RALGAPA2: variants seen among roughly 807,000 people sequenced by gnomAD.
The protein encoded by RALGAPA2 is ral GTPase-activating protein subunit alpha-2.
A neutral mutation model predicts 230.4 loss-of-function variants in RALGAPA2; 139 were observed. The ratio of observed to expected loss-of-function variants is 0.60; its 90% CI spans 0.53 to 0.69. The LOEUF (loss-of-function observed/expected upper bound fraction) is 0.69, where lower values mean the gene tolerates loss of function less well. Ranked by LOEUF, RALGAPA2 falls within the 30% of genes least tolerant of loss-of-function variation. The probability of loss-of-function intolerance (pLI) is 0.00; values close to 1 mark genes in which losing one functional copy is unlikely to be tolerated. For synonymous variants in RALGAPA2, 847 were observed against 837.8 expected (o/e 1.01, Z -0.19); for missense variants, 2,163 against 2,276.0 (o/e 0.95, Z 1.01).
intron 37 of RALGAPA2, among the ~76,000 whole-genome samples, chr20:20,417,479 G>T (rs893335236): frequency 6.6e-6 from 1 of 152,100 alleles, no homozygotes; most frequent in African/African-American, 2.4e-5. Context: ...CCTATTCTAT[G>T]TGTCTCTCAT....
At position 20,712,588 on chromosome 20, in the gene RALGAPA2, CCCCAGCCCCGCTGCT is replaced by C; in HGVS notation, c.-123_-109del. On this transcript the variant is annotated 5_prime_UTR_variant, in exon 1 of 40. Transcript: ENST00000202677. This position sits in a 1 kb window ranked among gnomAD's most constrained non-coding sequence, Gnocchi z 5.5. ...GCGTGTCGCGCGGGCCACTCGCCGC[CCCCAGCCCCGCTGCT>C]GCCGCCGCCGCCGCCGCCGCCGCCG... The C allele has an allele frequency of 4.8e-6, 6 of 1,237,318 alleles. No individual in the cohort carries two copies. The highest frequency in any genetic ancestry group is 5.1e-6 in the Non-Finnish European group (5 of 986,140). 76.6% of individuals were successfully genotyped at this position (1,237,318 alleles called of 1,614,324 possible).
chr20:20,481,538 A>G (rs1297938801), intron 36 of RALGAPA2, among the ~76,000 whole-genome samples: 1 of 152,266 alleles, frequency 6.6e-6, no homozygotes, highest in Non-Finnish European at 1.5e-5. Context: ...CATAACAATG[A>G]TATGGCTGTG....
intron 24 of RALGAPA2, among the ~76,000 whole-genome samples, chr20:20,537,154 T>G (rs2063518630): frequency 1.3e-5 from 2 of 152,004 alleles, no homozygotes; most frequent in Non-Finnish European, 2.9e-5. Flanking sequence ...TTAAGGAAAA[T>G]TCATAGGGAA....
In RALGAPA2 at chr20:20,712,034, T is replaced by C. The variant is rs1293025816; in HGVS notation, c.106+341A>G. The stretch of plus-strand genomic sequence containing the variant: ...ATGAAAGGGGGAGGTGACAGTTCAA[T>C]GTGTGCACGTGATGACCACTTGGGA... On this transcript the variant is annotated intron_variant, in intron 1 of 39. Coordinates refer to ENST00000202677, the MANE Select transcript of RALGAPA2 (RefSeq NM_020343.4). The surrounding 1 kb of genome is among the most constrained non-coding windows in gnomAD (Gnocchi z 5.5). 6.6e-6 allele frequency among the ~76,000 whole-genome samples: 1 copy of C among 152,074 alleles called. No homozygotes were observed. Among genetic ancestry groups the C allele is most frequent in the Non-Finnish European group, 1.5e-5 (1 of 68,000 alleles).
chr20:20,399,191 C>T (rs1405263735), intron 38 of RALGAPA2, among the ~76,000 whole-genome samples: 1 of 151,654 alleles, frequency 6.6e-6, no homozygotes, highest in African/African-American at 2.4e-5. Flanking sequence ...CTAAAAATAC[C>T]AAAAAATCAG....
At chr20:20,496,476 T>C (rs543479226) in intron 35 of RALGAPA2, among the ~76,000 whole-genome samples, 1 of 152,320 alleles carries the variant, frequency 6.6e-6, no homozygotes, top group Admixed American at 6.5e-5. Context: ...CCCTCTGACA[T>C]CTTCTGGGAA....
At position 20,611,929 on chromosome 20, in the gene RALGAPA2, A is replaced by G. The variant is rs143480208; in HGVS notation, c.1689-503T>C. On this transcript the variant is annotated intron_variant, in intron 13 of 39. Coordinates refer to ENST00000202677, the MANE Select transcript of RALGAPA2 (RefSeq NM_020343.4). ...GGAATGCCACAGTACTCTCACAGGC[A>G]GGAGGGGTTTGCATTACAGGACACT... Among the ~76,000 whole-genome samples, 534 of 152,306 alleles carry G rather than the reference A, an allele frequency of 3.5e-3. 5 individuals are homozygous for G. The highest frequency in any genetic ancestry group is 0.012 in the African/African-American group (504 of 41,560).
intron 37 of RALGAPA2, among the ~76,000 whole-genome samples, chr20:20,452,922 G>C (rs552546566): frequency 1.3e-5 from 2 of 152,282 alleles, no homozygotes; most frequent in African/African-American, 2.4e-5. Flanking sequence ...GTGGGGAGCC[G>C]TGAGTTGATG....
chr20:20,420,516 C>T (rs2060254663), intron 37 of RALGAPA2, among the ~76,000 whole-genome samples: 1 of 152,286 alleles, frequency 6.6e-6, no homozygotes, highest in South Asian at 2.1e-4. Flanking sequence ...ATGACCAGAA[C>T]TTCTGAGAAT....
chr20:20,586,606 A>G (rs922363128), intron 18 of RALGAPA2, among the ~76,000 whole-genome samples: 7 of 152,144 alleles, frequency 4.6e-5, no homozygotes, highest in Non-Finnish European at 8.8e-5. Flanking sequence ...TAAAAGTTGG[A>G]ATCACAAAAA....
intron 16 of RALGAPA2, among the ~76,000 whole-genome samples, chr20:20,593,146 G>T (rs1315070970): frequency 6.6e-6 from 1 of 152,172 alleles, no homozygotes; most frequent in Non-Finnish European, 1.5e-5. Flanking sequence ...CAAGTAGTCC[G>T]CCCACCTCGG....
At chr20:20,617,647 T>G (rs991329713) in intron 12 of RALGAPA2, among the ~76,000 whole-genome samples, 1 of 152,228 alleles carries the variant, frequency 6.6e-6, no homozygotes. Context: ...TGCATGAGTA[T>G]TTCTTATTAA....
At chr20:20,525,670 G>A (rs1474377685) in intron 28 of RALGAPA2, among the ~76,000 whole-genome samples, 1 of 152,236 alleles carries the variant, frequency 6.6e-6, no homozygotes, top group East Asian at 1.9e-4. Context: ...ACCTACGGGA[G>A]TGAAGCTGCC....
intron 13 of RALGAPA2, 52 bp from the exon 14 acceptor site, chr20:20,611,478 T>C: frequency 1.3e-6 from 2 of 1,565,160 alleles, no homozygotes; most frequent in Non-Finnish European, 1.7e-6. Context: ...TCCAAAGCAC[T>C]TTAATTTATA....
chr20:20,625,025 T>C (rs1360034345), intron 10 of RALGAPA2, among the ~76,000 whole-genome samples: 1 of 152,198 alleles, frequency 6.6e-6, no homozygotes, highest in Non-Finnish European at 1.5e-5. Flanking sequence ...CACCTGTCTC[T>C]ACCCATGCCT....
At chr20:20,459,560 C>T (rs1046307402) in intron 37 of RALGAPA2, among the ~76,000 whole-genome samples, 2 of 151,856 alleles carry the variant, frequency 1.3e-5, no homozygotes, top group South Asian at 2.1e-4. Flanking sequence ...GCCTCTGTGC[C>T]CTCCTCTGGA....
rs564797176 is a variant in RALGAPA2 at position 20,700,601 on chromosome 20, A to G, written c.106+11774T>C. Among the ~76,000 whole-genome samples the G allele has an allele frequency of 2.0e-5, 3 of 152,314 alleles. No individual in the cohort carries two copies. In the East Asian group the frequency reaches 5.8e-4, roughly 29 times the overall value. ...TCCAATTTTGTTCTCATGAAAGACTATCTGGGGAATTTGCCTAAGCCTGCC... is the reference window on the plus strand; with the variant it reads ...TCCAATTTTGTTCTCATGAAAGACTGTCTGGGGAATTTGCCTAAGCCTGCC... On this transcript the variant is annotated intron_variant, in intron 1 of 39. Coordinates refer to ENST00000202677, the MANE Select transcript of RALGAPA2 (RefSeq NM_020343.4).
intron 2 of RALGAPA2, among the ~76,000 whole-genome samples, chr20:20,680,402 G>C (rs1263114692): frequency 2.0e-5 from 3 of 152,146 alleles, no homozygotes; most frequent in Non-Finnish European, 4.4e-5. Context: ...TTTTTTAATA[G>C]TATGCATGTA....
At chr20:20,512,383 T>C (rs2062739125) in intron 32 of RALGAPA2, 130 bp downstream of exon 32, 3 of 996,352 alleles carry the variant, frequency 3.0e-6, no homozygotes, top group African/African-American at 1.6e-5. Flanking sequence ...CTGCAAATGT[T>C]AAAATAAAGA....
Sources: gnomAD v4.1 joint callset for allele counts (sites outside exome capture counted in the v4.1 genomes callset) on GRCh38, gnomAD v4.1.1 for gene constraint, Gnocchi (gnomAD v3.1) non-coding constraint, MANE v1.5 for transcripts, NCBI Gene and HGNC (gene_info 2026-07-23, HGNC 2026-07-21) for gene names.